GRIP1: variants seen among roughly 807,000 people sequenced by gnomAD.
GRIP1 encodes glutamate receptor interacting protein 1, also known as glutamate receptor-interacting protein 1.
Under a neutral mutation model 129.9 loss-of-function variants are expected in GRIP1, and 45 were observed. That is an observed-to-expected ratio of 0.35 (90% confidence interval 0.27 to 0.44). GRIP1 has a LOEUF of 0.44. Ranked by LOEUF, GRIP1 falls within the 20% of genes least tolerant of loss-of-function variation. The probability of loss-of-function intolerance (pLI) is 1.00; values close to 1 mark genes in which losing one functional copy is unlikely to be tolerated. For missense variants in GRIP1, 1,196 were observed against 1,396.8 expected (o/e 0.86, Z 2.29); for synonymous variants, 530 against 520.8 (o/e 1.02, Z -0.24).
intron 1 of GRIP1, among the ~76,000 whole-genome samples, chr12:66,987,113 T>C (rs2042324671): frequency 6.6e-6 from 1 of 152,116 alleles, no homozygotes; most frequent in Non-Finnish European, 1.5e-5. Flanking sequence ...CTCCTGGAGC[T>C]TTCTAGGAAA....
chr12:66,728,039 T>G (rs955139664), intron 1 of GRIP1, among the ~76,000 whole-genome samples: 1 of 152,138 alleles, frequency 6.6e-6, no homozygotes, highest in African/African-American at 2.4e-5. Context: ...TGATAGAATT[T>G]TATAAAAAAG....
At chr12:66,567,189 C>T (rs2139460677) in intron 2 of GRIP1, among the ~76,000 whole-genome samples, 1 of 152,184 alleles carries the variant, frequency 6.6e-6, no homozygotes, top group African/African-American at 2.4e-5. Context: ...TTTGCTCTTG[C>T]TTCTATAGTT....
At chr12:67,069,123 G>T in exon 1 of GRIP1, 1 of 984,854 alleles carries the variant, frequency 1.0e-6, no homozygotes, top group Non-Finnish European at 1.2e-6. Flanking sequence ...CGCTCCCTGC[G>T]CTCGCTGTCG....
At chr12:66,649,125 C>T (rs1034995463) in intron 1 of GRIP1, among the ~76,000 whole-genome samples, 1 of 152,158 alleles carries the variant, frequency 6.6e-6, no homozygotes. Context: ...TATTTCTTAA[C>T]TGTATATCAA....
chr12:66,488,436 G>C (rs941635132), intron 7 of GRIP1, among the ~76,000 whole-genome samples: 1 of 152,258 alleles, frequency 6.6e-6, no homozygotes, highest in Non-Finnish European at 1.5e-5. Context: ...TGAGAACAAA[G>C]AGACAATATA....
At chr12:66,427,165 A>G (rs1487531958) in intron 14 of GRIP1, among the ~76,000 whole-genome samples, 1 of 152,162 alleles carries the variant, frequency 6.6e-6, no homozygotes, top group Non-Finnish European at 1.5e-5. Flanking sequence ...TAGGCTCACT[A>G]TCAGCTTCCC....
chr12:66,629,110 C>A (rs1304546315), intron 1 of GRIP1, among the ~76,000 whole-genome samples: 1 of 152,140 alleles, frequency 6.6e-6, no homozygotes, highest in Non-Finnish European at 1.5e-5. Context: ...AAATTTAATT[C>A]TCTGTTTTCA....
intron 1 of GRIP1, among the ~76,000 whole-genome samples, chr12:66,793,115 G>T (rs2038593373): frequency 6.6e-6 from 1 of 152,128 alleles, no homozygotes; most frequent in African/African-American, 2.4e-5. Context: ...ATTCCTCAGA[G>T]AACTCTCTGA....
intron 1 of GRIP1, among the ~76,000 whole-genome samples, chr12:66,997,119 G>A (rs942593585): frequency 2.6e-5 from 4 of 152,078 alleles, no homozygotes; most frequent in African/African-American, 4.8e-5. Flanking sequence ...TTTAAAAAAC[G>A]AAACTTCTGA....
intron 16 of GRIP1, among the ~76,000 whole-genome samples, chr12:66,401,609 TACACACACACACAC>T (rs71096099): frequency 9.1e-6 from 1 of 110,176 alleles, no homozygotes; most frequent in Non-Finnish European, 1.8e-5. Flanking sequence ...TATATATATA[TACACACACACACAC>T]ACACACACAC....
chr12:66,615,843 C>A (rs773205595), intron 1 of GRIP1, among the ~76,000 whole-genome samples: 1 of 151,972 alleles, frequency 6.6e-6, no homozygotes, highest in Non-Finnish European at 1.5e-5. Flanking sequence ...CAGGGTTTCA[C>A]CATGTTGGCC....
intron 1 of GRIP1, among the ~76,000 whole-genome samples, chr12:66,794,049 A>T (rs1452761035): frequency 6.6e-6 from 1 of 152,190 alleles, no homozygotes; most frequent in East Asian, 1.9e-4. Context: ...CTTATAAAGT[A>T]TAAACACTGC....
intron 15 of GRIP1, among the ~76,000 whole-genome samples, chr12:66,419,108 A>C (rs1156296257): frequency 1.3e-5 from 2 of 152,180 alleles, no homozygotes; most frequent in African/African-American, 4.8e-5. Flanking sequence ...AGTTCCATTC[A>C]GCCATAAAAA....
intron 1 of GRIP1, among the ~76,000 whole-genome samples, chr12:66,946,766 C>CGG (rs1325489279): frequency 6.8e-3 from 36 of 5,288 alleles, no homozygotes; most frequent in African/African-American, 0.021. Flanking sequence ...CAGCGGGGGT[C>CGG]GGGGGGTGGG....
At chr12:66,591,838 C>G (rs2063857710) in intron 2 of GRIP1, among the ~76,000 whole-genome samples, 1 of 152,002 alleles carries the variant, frequency 6.6e-6, no homozygotes, top group Admixed American at 6.6e-5. Context: ...CCATGTTGCC[C>G]AGGCTGTAAC....
intron 1 of GRIP1, among the ~76,000 whole-genome samples, chr12:67,041,309 T>TA (rs1260156296): frequency 6.6e-6 from 1 of 151,944 alleles, no homozygotes; most frequent in Non-Finnish European, 1.5e-5. Flanking sequence ...CACATATATT[T>TA]ATATATACAC....
intron 1 of GRIP1, among the ~76,000 whole-genome samples, chr12:66,930,257 T>TC (rs1283053749): frequency 1.4e-5 from 1 of 71,590 alleles, no homozygotes; most frequent in African/African-American, 5.6e-5. Flanking sequence ...CCCTCCCCCC[T>TC]CCCCCCACCC....
chr12:66,842,883 C>G (rs1048322577), intron 1 of GRIP1, among the ~76,000 whole-genome samples: 1 of 152,118 alleles, frequency 6.6e-6, no homozygotes, highest in African/African-American at 2.4e-5. Flanking sequence ...AGGAAGCCAT[C>G]AGCTGCTTAC....
chr12:66,615,801 T>A (rs4310689), intron 1 of GRIP1, among the ~76,000 whole-genome samples: 2 of 151,934 alleles, frequency 1.3e-5, no homozygotes, highest in Admixed American at 6.5e-5. Context: ...TCCACCATCA[T>A]GCCCAGCTAA....
Sources: gnomAD v4.1 joint callset for allele counts (sites outside exome capture counted in the v4.1 genomes callset) on GRCh38, gnomAD v4.1.1 for gene constraint, MANE v1.5 for transcripts, NCBI Gene and HGNC (gene_info 2026-07-23, HGNC 2026-07-21) for gene names.